ZNF251: variants seen among roughly 807,000 people sequenced by gnomAD.
The protein encoded by ZNF251 is zinc finger protein 251.
ZNF251 carries 14 observed loss-of-function variants against 13.5 expected under a neutral mutation model. The observed-to-expected ratio is 1.04, with a 90% confidence interval of 0.69 to 1.63. ZNF251 has a LOEUF of 1.63. ZNF251 is among the 40% of genes most tolerant of loss of function. The pLI, the probability that ZNF251 is intolerant of heterozygous loss-of-function variation, is 0.00. For synonymous variants in ZNF251, 287 were observed against 295.2 expected (o/e 0.97, Z 0.28); for missense variants, 764 against 834.9 (o/e 0.92, Z 1.05).
In ZNF251 at chr8:144,727,706, G is replaced by A. The variant is rs114558460; in HGVS notation, c.278-4324C>T. Among the ~76,000 whole-genome samples, 567 of 152,332 alleles carry A rather than the reference G, an allele frequency of 3.7e-3. 3 individuals are homozygous for A. Among genetic ancestry groups the A allele is most frequent in the African/African-American group, 0.013 (546 of 41,560 alleles). ...TTGATCTTCTATCCAGACAGTTTGA[G>A]GGGGACTGAAACTGTCTCCATATCA... On this transcript the variant is annotated intron_variant, in intron 4 of 4. Coordinates refer to ENST00000292562, the MANE Select transcript of ZNF251 (RefSeq NM_138367.2).
chr8:144,740,921 G>A (rs1376863371), intron 4 of ZNF251, among the ~76,000 whole-genome samples: 5 of 150,384 alleles, frequency 3.3e-5, no homozygotes, highest in African/African-American at 9.8e-5. Flanking sequence ...CAAGAAGAGC[G>A]AAACTCCGTC....
At chr8:144,741,039 G>C (rs1280810783) in intron 4 of ZNF251, among the ~76,000 whole-genome samples, 1 of 152,232 alleles carries the variant, frequency 6.6e-6, no homozygotes, top group Non-Finnish European at 1.5e-5. Flanking sequence ...TGGAGGCTGA[G>C]TTCCTCGAAG....
chr8:144,729,252 C>T (rs1309548911), intron 4 of ZNF251, among the ~76,000 whole-genome samples: 1 of 151,904 alleles, frequency 6.6e-6, no homozygotes, highest in Non-Finnish European at 1.5e-5. Context: ...GGGATAAAAA[C>T]GAAAACAAAA....
chr8:144,747,347 T>C (rs144339089), intron 4 of ZNF251, among the ~76,000 whole-genome samples: 1 of 151,296 alleles, frequency 6.6e-6, no homozygotes, highest in Non-Finnish European at 1.5e-5. Context: ...TCTTCAAGTA[T>C]GTTAAAGTGT....
rs955113125 is a variant in ZNF251, at chr8:144,724,565, C to A, written c.278-1183G>T. On this transcript the variant is annotated intron_variant, in intron 4 of 4. Transcript: ENST00000292562. ...TTGATATCTCACACACCCTTTGTCCCCCAAACTACTCCCCTAGGATCCATC... is the reference window on the plus strand; with the variant it reads ...TTGATATCTCACACACCCTTTGTCCACCAAACTACTCCCCTAGGATCCATC... Among the ~76,000 whole-genome samples the A allele has an allele frequency of 6.6e-5, 10 of 152,120 alleles. 1 individual carries two copies. Among genetic ancestry groups the A allele is most frequent in the Non-Finnish European group, 8.8e-5 (6 of 68,018 alleles).
rs756232740 is a variant in ZNF251 at position 144,721,600 on chromosome 8, A to C, written c.*44T>G. The C allele has an allele frequency of 3.1e-6, 4 of 1,309,470 alleles. No individual in the cohort carries two copies. The South Asian group carries it at 1.3e-4, about 42-fold the overall frequency. The allele number at this position is 1,309,470 out of a possible 1,614,324, so 81.1% of individuals were successfully genotyped here. Reference sequence around the variant, plus strand: ...TTTCATTATGCCATCTTATCTTCTAATGTCAAGTGAACAGTTGCTAAACTG... The same window carrying C: ...TTTCATTATGCCATCTTATCTTCTACTGTCAAGTGAACAGTTGCTAAACTG... On this transcript the variant is annotated 3_prime_UTR_variant, in exon 5 of 5. Coordinates refer to ENST00000292562, the MANE Select transcript of ZNF251 (RefSeq NM_138367.2).
At chr8:144,738,961 T>C (rs1012155938) in intron 4 of ZNF251, among the ~76,000 whole-genome samples, 8 of 151,974 alleles carry the variant, frequency 5.3e-5, no homozygotes, top group Non-Finnish European at 1.0e-4. Context: ...GCGCCAGAGA[T>C]GCACACAGCA....
rs573119490 is a variant in ZNF251 at position 144,737,382 on chromosome 8, G to A, written c.278-14000C>T. On this transcript the variant is annotated intron_variant, in intron 4 of 4. Transcript: ENST00000292562. ...TAAAGTGCTGGGATTACAGGCATGA[G>A]CCACCTGGGAGCTACTCGGGAGGCT... is the stretch of plus-strand genomic sequence containing the variant. 1.6e-3 allele frequency among the ~76,000 whole-genome samples: 245 copies of A among 152,224 alleles called. 2 individuals are homozygous for A. Among genetic ancestry groups the A allele is most frequent in the Non-Finnish European group, 3.1e-3 (210 of 68,010 alleles).
Position 144,722,474 on chromosome 8 carries a change from G to C in ZNF251, c.1186C>G (p.His396Asp), listed in dbSNP as rs763437548. The change falls in exon 5 of 5, where the codon CAT becomes GAT. Residue 396 changes from histidine (H) to aspartate (D), a missense_variant. Transcript: ENST00000292562. The surrounding 1 kb of genome is among the most constrained non-coding windows in gnomAD (Gnocchi z 4.8). Reference protein sequence around the residue: ...FSQSSSLFLHHRVHTGEKPYV... With the variant: ...FSQSSSLFLHDRVHTGEKPYV... ...GGTTTCTCTCCAGTATGAACCCGAT[G>C]ATGGAGGAAAAGGCTTGAGCTCTGA... 14 of 1,613,854 alleles carry C rather than the reference G, an allele frequency of 8.7e-6. No homozygotes were observed. In the Admixed American group the frequency reaches 1.5e-4, roughly 17 times the overall value.
intron 4 of ZNF251, among the ~76,000 whole-genome samples, chr8:144,736,714 A>C (rs1823911901): frequency 6.6e-6 from 1 of 150,904 alleles, no homozygotes; most frequent in Non-Finnish European, 1.5e-5. Flanking sequence ...CTGGTCTTGA[A>C]CTCCCGACCT....
At chr8:144,747,347 T>A (rs144339089) in intron 4 of ZNF251, among the ~76,000 whole-genome samples, 1 of 151,296 alleles carries the variant, frequency 6.6e-6, no homozygotes, top group African/African-American at 2.5e-5. Context: ...TCTTCAAGTA[T>A]GTTAAAGTGT....
chr8:144,750,691 C>T (rs1208229137), intron 4 of ZNF251, among the ~76,000 whole-genome samples: 1 of 152,072 alleles, frequency 6.6e-6, no homozygotes, highest in Non-Finnish European at 1.5e-5. Context: ...TGACCGGGTC[C>T]CCCTGGAGTT....
At chr8:144,727,023 G>A (rs1823538712) in intron 4 of ZNF251, among the ~76,000 whole-genome samples, 1 of 152,210 alleles carries the variant, frequency 6.6e-6, no homozygotes, top group African/African-American at 2.4e-5. Flanking sequence ...CTGCACTCCA[G>A]TATGGGCAAC....
At position 144,753,780 on chromosome 8, in the gene ZNF251, C is replaced by T. The variant is rs766617370; in HGVS notation, c.180G>A (p.Lys60=). Residue 60 remains lysine, a synonymous_variant, in exon 4 of 5, where the codon AAG becomes AAA. Transcript: ENST00000292562. ...GCTCCAGCTGGGAGATCAACTCCGG[C>T]TTAGGGACAGGGAATCCTGTTGAGG... is the stretch of plus-strand genomic sequence containing the variant. ...NVASLGFPVP[K]PELISQLEQG... is the part of the protein sequence containing the mutation. 83 of 1,583,092 alleles carry T rather than the reference C, an allele frequency of 5.2e-5. No individual in the cohort carries two copies. Among genetic ancestry groups the T allele is most frequent in the Non-Finnish European group, 6.9e-5 (80 of 1,163,936 alleles).
intron 4 of ZNF251, among the ~76,000 whole-genome samples, chr8:144,752,157 A>G (rs1295355402): frequency 6.7e-6 from 1 of 150,208 alleles, no homozygotes; most frequent in Non-Finnish European, 1.5e-5. Flanking sequence ...AAAAAAAAAA[A>G]TCAGCAAGGA....
At chr8:144,727,848 T>C (rs988687640) in intron 4 of ZNF251, among the ~76,000 whole-genome samples, 1 of 152,210 alleles carries the variant, frequency 6.6e-6, no homozygotes, top group South Asian at 2.1e-4. Flanking sequence ...GGTCTCACTC[T>C]GTCACCCAGG....
intron 4 of ZNF251, among the ~76,000 whole-genome samples, chr8:144,726,412 C>T (rs1465846140): frequency 6.6e-6 from 1 of 151,802 alleles, no homozygotes; most frequent in Non-Finnish European, 1.5e-5. Context: ...TGGCGCATAC[C>T]TGTAGTCCCA....
At chr8:144,729,335 ATTTTTTTT>A (rs142840972) in intron 4 of ZNF251, among the ~76,000 whole-genome samples, 2 of 141,252 alleles carry the variant, frequency 1.4e-5, no homozygotes, top group Non-Finnish European at 3.0e-5. Flanking sequence ...ATTTATTTTT[ATTTTTTTT>A]TTTTTTTTTG....
At position 144,721,884 on chromosome 8, in the gene ZNF251, C is replaced by A; in HGVS notation, c.1776G>T (p.Lys592Asn). 1 of 1,503,092 alleles carries A rather than the reference C, an allele frequency of 6.7e-7. No individual in the cohort carries two copies. Among genetic ancestry groups the A allele is most frequent in the East Asian group, 2.3e-5 (1 of 43,860 alleles). The allele number at this position is 1,503,092 out of a possible 1,614,324, so 93.1% of individuals were successfully genotyped here. ...TTCCACATTCTTGACATTTATAGGG[C>A]TTTTCCCCAGCATGCATTATCTGAT... The part of the protein sequence containing the change: ...TEDQIMHAGE[K>N]PYKCQECGNA... The change falls in exon 5 of 5, where the codon AAG (lysine) becomes AAT (asparagine). Residue 592 changes from lysine to asparagine, a missense_variant. By Grantham distance (94) the Lys-to-Asn change is moderately conservative (BLOSUM62 0). Transcript: ENST00000292562.
Sources: allele counts gnomAD v4.1 joint callset (sites outside exome capture counted in the v4.1 genomes callset), GRCh38; gene constraint gnomAD v4.1.1; non-coding constraint Gnocchi (gnomAD v3.1); transcripts MANE v1.5; gene names NCBI Gene and HGNC (gene_info 2026-07-23, HGNC 2026-07-21).